RASSF5: variants seen among roughly 807,000 people sequenced by gnomAD.
RASSF5 encodes ras association domain-containing protein 5.
In RASSF5, 25 loss-of-function variants were observed where a neutral mutation model predicts 40.5. The observed-to-expected ratio is 0.62, with a 90% CI of 0.45 to 0.86. The LOEUF (loss-of-function observed/expected upper bound fraction) is 0.86. Ranked by LOEUF, RASSF5 falls within the 40% of genes least tolerant of loss-of-function variation. RASSF5 has a pLI of 0.00. For synonymous variants in RASSF5, 246 were observed against 252.4 expected, an observed-to-expected ratio of 0.97 and a Z score of 0.24; for missense variants, 521 against 572.8, an observed-to-expected ratio of 0.91 and a Z score of 0.92.
intron 2 of RASSF5, among the ~76,000 whole-genome samples, chr1:206,541,393 A>G (rs1477120552): frequency 2.0e-5 from 3 of 152,160 alleles, no homozygotes; most frequent in Non-Finnish European, 4.4e-5. Context: ...CTGCCATGCC[A>G]CAGGGAGGCA....
At chr1:206,565,669 G>A (rs1668269646) in intron 2 of RASSF5, among the ~76,000 whole-genome samples, 1 of 152,224 alleles carries the variant, frequency 6.6e-6, no homozygotes, top group Non-Finnish European at 1.5e-5. Context: ...GATGCTCTCA[G>A]CAACTGCCTT....
chr1:206,548,212 G>A (rs1216353143), intron 2 of RASSF5, among the ~76,000 whole-genome samples: 3 of 151,984 alleles, frequency 2.0e-5, no homozygotes, highest in Non-Finnish European at 4.4e-5. Context: ...GTGTTACTAT[G>A]AAGGTATACC....
intron 1 of RASSF5, among the ~76,000 whole-genome samples, chr1:206,521,263 T>A (rs1666898168): frequency 6.6e-6 from 1 of 152,184 alleles, no homozygotes; most frequent in Admixed American, 6.5e-5. Flanking sequence ...AACCTTTGTG[T>A]GTCTCCAGCA....
In RASSF5 at chr1:206,587,433, T is replaced by C; in HGVS notation, c.*455T>C. The C allele has an allele frequency of 4.1e-6, 1 of 246,566 alleles. No individual in the cohort carries two copies. The highest frequency in any genetic ancestry group is 8.0e-6 in the Non-Finnish European group (1 of 124,426). The allele number at this position is 246,566 out of a possible 1,614,324, so 15.3% of individuals were successfully genotyped here. A position where few individuals can be genotyped will look rare whatever the true frequency, so the allele number is the denominator to read the frequency against. On this transcript the variant is annotated 3_prime_UTR_variant, in exon 6 of 6. Coordinates refer to ENST00000579436, the MANE Select transcript of RASSF5 (RefSeq NM_182663.4). ...GTGAAAAGTTGTAGCACATTCCTTT[T>C]GCAGGTCTGAGCTAAGCCCCTGAAA...
At chr1:206,527,841 A>G (rs1188415062) in intron 1 of RASSF5, among the ~76,000 whole-genome samples, 1 of 152,128 alleles carries the variant, frequency 6.6e-6, no homozygotes, top group African/African-American at 2.4e-5. Flanking sequence ...ACCAGGAACA[A>G]GTGGAGGGGA....
At chr1:206,518,394 G>A (rs1161582725) in intron 1 of RASSF5, 4 of 398,560 alleles carry the variant, frequency 1.0e-5, no homozygotes, top group Non-Finnish European at 1.3e-5. Context: ...TGAGATGACC[G>A]AGGGCCAGGA....
intron 2 of RASSF5, among the ~76,000 whole-genome samples, chr1:206,566,777 G>A (rs577754975): frequency 6.6e-6 from 1 of 152,232 alleles, no homozygotes; most frequent in Admixed American, 6.5e-5. Flanking sequence ...CCCCTTCTCT[G>A]TGCTCCCCAA....
intron 2 of RASSF5, among the ~76,000 whole-genome samples, chr1:206,548,758 C>A (rs1169404784): frequency 6.6e-6 from 1 of 152,190 alleles, no homozygotes; most frequent in Non-Finnish European, 1.5e-5. Flanking sequence ...CATACCCCCC[C>A]ACTCTGAGGA....
intron 2 of RASSF5, among the ~76,000 whole-genome samples, chr1:206,541,141 C>T (rs1667536125): frequency 6.6e-6 from 1 of 152,196 alleles, no homozygotes; most frequent in African/African-American, 2.4e-5. Flanking sequence ...ATGATCCACC[C>T]GCCTTGGCCT....
intron 5 of RASSF5, chr1:206,585,712 C>T (rs1419564663): frequency 1.2e-5 from 2 of 161,890 alleles, no homozygotes; most frequent in Middle Eastern, 3.0e-3. Context: ...ACCTCCATCC[C>T]CCAAGGGGAG....
At chr1:206,566,714 G>A (rs1668298055) in intron 2 of RASSF5, among the ~76,000 whole-genome samples, 2 of 152,174 alleles carry the variant, frequency 1.3e-5, no homozygotes, top group Non-Finnish European at 2.9e-5. Context: ...GGAGAATGTG[G>A]GAGCTGGTGA....
intron 2 of RASSF5, among the ~76,000 whole-genome samples, chr1:206,573,903 G>A (rs1454818829): frequency 6.6e-6 from 1 of 152,256 alleles, no homozygotes; most frequent in Non-Finnish European, 1.5e-5. Flanking sequence ...GTTCACAGAA[G>A]ACCAAGGGCA....
chr1:206,512,790 G>A (rs1432602457), intron 1 of RASSF5, among the ~76,000 whole-genome samples: 1 of 152,232 alleles, frequency 6.6e-6, no homozygotes, highest in Non-Finnish European at 1.5e-5. Context: ...GGAAGCTGCC[G>A]CAAGGCCGAA....
intron 2 of RASSF5, among the ~76,000 whole-genome samples, chr1:206,561,728 C>T (rs561310709): frequency 1.0e-4 from 15 of 145,774 alleles, no homozygotes; most frequent in African/African-American, 2.8e-4. Flanking sequence ...TACAATGACG[C>T]GATCTCGGCT....
At chr1:206,551,918 C>T (rs1553401083) in intron 2 of RASSF5, among the ~76,000 whole-genome samples, 2 of 152,252 alleles carry the variant, frequency 1.3e-5, no homozygotes, top group African/African-American at 4.8e-5. Flanking sequence ...AGGGGCACAT[C>T]AGGGAGACGG....
intron 2 of RASSF5, among the ~76,000 whole-genome samples, chr1:206,540,960 C>T (rs572235142): frequency 6.6e-6 from 1 of 152,276 alleles, no homozygotes; most frequent in East Asian, 1.9e-4. Context: ...GTGGCATGAT[C>T]TCAGCTCACT....
chr1:206,545,529 G>T (rs1478256911), intron 2 of RASSF5, among the ~76,000 whole-genome samples: 1 of 151,276 alleles, frequency 6.6e-6, no homozygotes, highest in Non-Finnish European at 1.5e-5. Context: ...TTTTTATAGA[G>T]ATGGGGTCTT....
At chr1:206,586,601 A>C in intron 5 of RASSF5, 1 of 509,016 alleles carries the variant, frequency 2.0e-6, no homozygotes, top group Non-Finnish European at 3.5e-6. Flanking sequence ...TGGTTCATAG[A>C]CTGGCAACTC....
At position 206,552,126 on chromosome 1, in the gene RASSF5, T is replaced by TA. The variant is rs1215171454; in HGVS notation, c.579+13833_579+13834insA. 3.9e-5 allele frequency among the ~76,000 whole-genome samples: 6 copies of TA among 152,124 alleles called. No homozygotes were observed. Among genetic ancestry groups the TA allele is most frequent in the African/African-American group, 1.2e-4 (5 of 41,406 alleles). ...GCCTGGCAGCCAATCAGAAGTGTGG[T>TA]GTGGGTTAGCACCGCTGAGAAAGTG... On this transcript the variant is annotated intron_variant, in intron 2 of 5. Transcript: ENST00000579436. This position sits in a 1 kb window ranked among gnomAD's most constrained non-coding sequence, Gnocchi z 4.1.
Sources: allele counts gnomAD v4.1 joint callset (sites outside exome capture counted in the v4.1 genomes callset), GRCh38; gene constraint gnomAD v4.1.1; non-coding constraint Gnocchi (gnomAD v3.1); transcripts MANE v1.5; gene names NCBI Gene and HGNC (gene_info 2026-07-23, HGNC 2026-07-21).